Variants in RHBDF2 observed in about 807,000 individuals in gnomAD.
RHBDF2 encodes the protein rhomboid 5 homolog 2.
RHBDF2 carries 38 observed loss-of-function variants against 95.2 expected under a neutral mutation model. That is an observed-to-expected ratio of 0.40 (90% confidence interval 0.31 to 0.52). The LOEUF (loss-of-function observed/expected upper bound fraction) is 0.52. Among genes scored for constraint, RHBDF2 ranks in the 20% least tolerant of loss-of-function variants. The pLI, the probability that RHBDF2 is intolerant of heterozygous loss-of-function variation, is 0.56. For missense variants in RHBDF2, 863 were observed against 1,137.7 expected, an observed-to-expected ratio of 0.76 and a Z score of 3.47; for synonymous variants, 442 against 462.0, an observed-to-expected ratio of 0.96 and a Z score of 0.55.
At chr17:76,485,445 G>A (rs1290030991) in intron 2 of RHBDF2, among the ~76,000 whole-genome samples, 2 of 150,282 alleles carry the variant, frequency 1.3e-5, no homozygotes, top group African/African-American at 2.4e-5. Context: ...AGCTGGGTGT[G>A]GTGGTGGGCA....
chr17:76,477,525 G>T, intron 7 of RHBDF2, 132 bp downstream of exon 7: 1 of 1,183,322 alleles, frequency 8.5e-7, no homozygotes, highest in Non-Finnish European at 1.2e-6. Context: ...GCTCCACATA[G>T]GACCATGCCA....
At chr17:76,476,094 G>C (rs1283670411) in intron 9 of RHBDF2, 2 of 151,444 alleles carry the variant, frequency 1.3e-5, no homozygotes, top group Non-Finnish European at 2.9e-5. Flanking sequence ...TTTTAGTAGA[G>C]ATGGGGTTTC....
intron 4 of RHBDF2, 186 bp from the exon 5 acceptor site, chr17:76,479,463 T>A: frequency 1.1e-6 from 1 of 932,896 alleles, no homozygotes; most frequent in Non-Finnish European, 1.7e-6. Flanking sequence ...GACGGGAGCG[T>A]GAGGAGCCAG....
chr17:76,471,248 G>T lies in RHBDF2; in HGVS notation c.*385C>A, dbSNP rs2073547972. ...AGGGCACAGCCACGTCCCCAGCAAG[G>T]GCACGCTCCAGTAGTAGTGGGGGAG... On this transcript the variant is annotated 3_prime_UTR_variant, in exon 19 of 19. Transcript: ENST00000675367. The T allele has an allele frequency of 4.9e-6, 1 of 205,646 alleles. No individual in the cohort carries two copies. Among genetic ancestry groups the T allele is most frequent in the South Asian group, 9.7e-5 (1 of 10,292 alleles). 12.7% of individuals were successfully genotyped at this position (205,646 alleles called of 1,614,324 possible).
At chr17:76,495,712 G>A (rs2074413397) in intron 1 of RHBDF2, among the ~76,000 whole-genome samples, 1 of 152,156 alleles carries the variant, frequency 6.6e-6, no homozygotes, top group Non-Finnish European at 1.5e-5. Context: ...CCCTCACCTC[G>A]ACACACTCAG....
intron 3 of RHBDF2, 22 bp downstream of exon 3, chr17:76,481,353 G>T (rs767767174): frequency 6.3e-7 from 1 of 1,599,096 alleles, no homozygotes; most frequent in East Asian, 2.2e-5. Context: ...AGAACAGTGA[G>T]CCCCCAGGCC....
chr17:76,481,182 C>T (rs758057878), intron 3 of RHBDF2, among the ~76,000 whole-genome samples, 193 bp downstream of exon 3: 4 of 152,214 alleles, frequency 2.6e-5, no homozygotes, highest in Non-Finnish European at 5.9e-5. Flanking sequence ...AGAGTGAGCC[C>T]GGTTCCTGGC....
intron 3 of RHBDF2, 178 bp from the exon 4 acceptor site, chr17:76,480,032 T>C: frequency 2.6e-6 from 1 of 390,328 alleles, no homozygotes. Flanking sequence ...TGTGTGTGTG[T>C]GTGTGTGTGT....
chr17:76,471,911 G>A lies in RHBDF2; in HGVS notation c.2206C>T (p.Leu736=). Residue 736 remains leucine, a synonymous_variant, in exon 19 of 19, where the codon CTG becomes TTG. Coordinates refer to ENST00000675367, the MANE Select transcript of RHBDF2 (RefSeq NM_001005498.4). ...TGGGCGATGTTGTCGATCCAGGGCA[G>A]GAGGCCACAGATGAACAGGAAGAGC... is the stretch of plus-strand genomic sequence containing the variant. ...IVLFLFICGL[L]PWIDNIAHIF... is the part of the protein sequence containing the mutation. 2 of 1,577,018 alleles carry A rather than the reference G, an allele frequency of 1.3e-6. No homozygotes were observed. Among genetic ancestry groups the A allele is most frequent in the Non-Finnish European group, 1.7e-6 (2 of 1,161,158 alleles).
Position 76,471,795 on chromosome 17 carries a change from T to C in RHBDF2, c.2322A>G (p.Ala774=). The change falls in exon 19 of 19, where the codon GCA becomes GCG. Residue 774 remains alanine (A), a synonymous_variant. Coordinates refer to ENST00000675367, the MANE Select transcript of RHBDF2 (RefSeq NM_001005498.4). ...AGGCCAGCAGTGACACCAGGATGAGTGCCCGCTTGCGGTACTTGTCGCTGG... is the reference window on the plus strand; with the variant it reads ...AGGCCAGCAGTGACACCAGGATGAGCGCCCGCTTGCGGTACTTGTCGCTGG... The part of the protein sequence containing the change: ...FGTSDKYRKR[A]LILVSLLAFA... 6.2e-7 allele frequency: 1 copy of C among 1,605,852 alleles called. No homozygotes were observed. The highest frequency in any genetic ancestry group is 1.1e-5 in the South Asian group (1 of 89,650).
chr17:76,473,226 A>G, intron 16 of RHBDF2, 26 bp downstream of exon 16: 1 of 1,607,912 alleles, frequency 6.2e-7, no homozygotes, highest in Non-Finnish European at 8.5e-7. Context: ...CCTCTCCTCC[A>G]CTACTCCAGG....
At chr17:76,479,332 T>A (rs2073874857) in intron 4 of RHBDF2, 55 bp from the exon 5 acceptor site, 1 of 1,545,820 alleles carries the variant, frequency 6.5e-7, no homozygotes, top group Admixed American at 1.9e-5. Flanking sequence ...CCTGTGCACC[T>A]GAGTGTGTGG....
chr17:76,479,425 A>G (rs2073878297), intron 4 of RHBDF2, 148 bp from the exon 5 acceptor site: 1 of 1,179,962 alleles, frequency 8.5e-7, no homozygotes, highest in South Asian at 1.3e-5. Flanking sequence ...GCTGGAGCCC[A>G]GTGACCAGAT....
chr17:76,472,389 G>A (rs903462807), intron 18 of RHBDF2: 2 of 567,130 alleles, frequency 3.5e-6, no homozygotes, highest in Admixed American at 3.1e-5. Context: ...TGCCGACGGC[G>A]CACGGAGGCC....
chr17:76,473,121 T>G lies in RHBDF2; in HGVS notation c.1810-16A>C. 1 of 1,607,476 alleles carries G rather than the reference T, an allele frequency of 6.2e-7. No homozygotes were observed. Among genetic ancestry groups the G allele is most frequent in the South Asian group, 1.1e-5 (1 of 90,970 alleles). On this transcript the variant is annotated splice_polypyrimidine_tract_variant and intron_variant, in intron 16 of 18. Transcript: ENST00000675367. ...AGCAGTGCACCTGGGAGTGGGCATA[T>G]GGTGCTCAGCGCCCCAGAAGCAGGC...
intron 2 of RHBDF2, among the ~76,000 whole-genome samples, chr17:76,482,667 G>A (rs2074006058): frequency 6.6e-6 from 1 of 152,086 alleles, no homozygotes; most frequent in South Asian, 2.1e-4. Flanking sequence ...CAGCTACTTG[G>A]GAGGCTGAGG....
chr17:76,471,616 G>A lies in RHBDF2; in HGVS notation c.*17C>T. 20 of 1,567,498 alleles carry A rather than the reference G, an allele frequency of 1.3e-5. No homozygotes were observed. Among genetic ancestry groups the A allele is most frequent in the Non-Finnish European group, 1.7e-5 (20 of 1,155,020 alleles). ...CCTGTTCCAGCAGGGCTGAGGGGCA[G>A]CCGTGTGGCCCAGCGGTCAGTGCAG... On this transcript the variant is annotated 3_prime_UTR_variant, in exon 19 of 19. Coordinates refer to ENST00000675367, the MANE Select transcript of RHBDF2 (RefSeq NM_001005498.4).
chr17:76,472,978 G>A, intron 17 of RHBDF2, 27 bp downstream of exon 17: 2 of 1,609,528 alleles, frequency 1.2e-6, no homozygotes, highest in Non-Finnish European at 1.7e-6. Flanking sequence ...CAGGGGTCGG[G>A]TTCGGGGGCA....
In RHBDF2 at chr17:76,476,820, G is replaced by C. The variant is rs768025936; in HGVS notation, c.1115+10C>G. The C allele has an allele frequency of 5.0e-6, 8 of 1,588,030 alleles. No homozygotes were observed. In the African/African-American group the frequency reaches 9.4e-5, roughly 19 times the overall value. On this transcript the variant is annotated intron_variant, in intron 9 of 18. Coordinates refer to ENST00000675367, the MANE Select transcript of RHBDF2 (RefSeq NM_001005498.4). The stretch of plus-strand genomic sequence containing the variant: ...CAGGCTCTCCTGGGGGCTCCAGGGC[G>C]ACACCTCACCGGTGGCTGTCGAAGC...
Sources: gnomAD v4.1 joint callset for allele counts (sites outside exome capture counted in the v4.1 genomes callset) on GRCh38, gnomAD v4.1.1 for gene constraint, MANE v1.5 for transcripts, NCBI Gene and HGNC (gene_info 2026-07-23, HGNC 2026-07-21) for gene names.